RYR1: variants seen among roughly 807,000 people sequenced by gnomAD.
RYR1 encodes the protein ryanodine receptor 1.
RYR1 carries 342 observed loss-of-function variants against 583.5 expected under a neutral mutation model. The ratio of observed to expected loss-of-function variants is 0.59; its 90% CI spans 0.54 to 0.64. The LOEUF is 0.64. Among genes scored for constraint, RYR1 ranks in the 30% least tolerant of loss-of-function variants. RYR1 has a pLI of 0.00. For synonymous variants in RYR1, 2,791 were observed against 2,822.5 expected (o/e 0.99, Z 0.35); for missense variants, 6,032 against 6,917.2 (o/e 0.87, Z 4.54).
intron 102 of RYR1, 48 bp downstream of exon 102, chr19:38,585,147 A>G (rs1269366091): frequency 2.5e-6 from 4 of 1,596,396 alleles, no homozygotes; most frequent in African/African-American, 2.7e-5. Flanking sequence ...GGCTAGCTCC[A>G]TGGCTAAGAA....
chr19:38,477,629 A>C, intron 29 of RYR1, 81 bp from the exon 30 acceptor site: 1 of 1,592,246 alleles, frequency 6.3e-7, no homozygotes, highest in Non-Finnish European at 8.6e-7. Context: ...CCAACAGTCC[A>C]GGGAAACCAA....
At chr19:38,514,108 A>C (rs1351272398) in intron 63 of RYR1, among the ~76,000 whole-genome samples, 1 of 151,730 alleles carries the variant, frequency 6.6e-6, no homozygotes, top group African/African-American at 2.4e-5. Flanking sequence ...TGAGCTTCTT[A>C]ACTTGGCCTT....
Position 38,499,165 on chromosome 19 carries a change from G to GGGT in RYR1, c.6950_6952dup (p.Gly2317_Tyr2318insTrp). On this transcript the variant is annotated inframe_insertion, in exon 43 of 106. Transcript: ENST00000359596. The surrounding 1 kb of genome is among the most constrained non-coding windows in gnomAD (Gnocchi z 7.3). ...GAGCTGCCCCATGCTTGTGGCCAAA[G>GGGT]GGTACCCAGACATTGGCTGGAACCC... 2 of 1,614,194 alleles carry GGGT rather than the reference G, an allele frequency of 1.2e-6. No individual in the cohort carries two copies. Among genetic ancestry groups the GGGT allele is most frequent in the South Asian group, 1.1e-5 (1 of 91,090 alleles).
chr19:38,574,247 G>A (rs1180891638), intron 96 of RYR1, among the ~76,000 whole-genome samples: 5 of 132,950 alleles, frequency 3.8e-5, no homozygotes, highest in South Asian at 4.9e-4. Flanking sequence ...GCAACAGAGC[G>A]AGACTCCATC....
intron 20 of RYR1, among the ~76,000 whole-genome samples, chr19:38,462,856 G>A (rs1967831679): frequency 6.8e-6 from 1 of 146,484 alleles, no homozygotes; most frequent in Non-Finnish European, 1.5e-5. Context: ...GGGGGAGACA[G>A]ACCCGTCCCA....
intron 93 of RYR1, among the ~76,000 whole-genome samples, chr19:38,569,475 A>C (rs2145861504): frequency 6.6e-6 from 1 of 152,014 alleles, no homozygotes; most frequent in South Asian, 2.1e-4. Flanking sequence ...GGATCACTTA[A>C]GCACAGGAGG....
Position 38,451,842 on chromosome 19 carries a change from C to G in RYR1, c.1201C>G (p.Arg401Gly), listed in dbSNP as rs193922764. The change falls in exon 12 of 106, where the codon CGC becomes GGC. Residue 401 changes from arginine (R) to glycine (G), a missense_variant. Physicochemically the swap from Arg to Gly is moderately radical, Grantham distance 125 (BLOSUM62 -2). This residue lies in a region of RYR1 where 2,627 missense variants were observed against 2,961.3 expected (regional missense o/e 0.89). Transcript: ENST00000359596. ...CCAGCAGGAGGAGTCCCAGGCCGCC[C>G]GCATGATCCACAGCACCAATGGCCT... The part of the protein sequence containing the change: ...RCQQEESQAA[R>G]MIHSTNGLYN... 6 of 1,614,114 alleles carry G rather than the reference C, an allele frequency of 3.7e-6. No homozygotes were observed. Among genetic ancestry groups the G allele is most frequent in the Non-Finnish European group, 5.1e-6 (6 of 1,180,014 alleles).
intron 24 of RYR1, among the ~76,000 whole-genome samples, chr19:38,467,108 C>T (rs1968152870): frequency 6.6e-6 from 1 of 152,104 alleles, no homozygotes; most frequent in Non-Finnish European, 1.5e-5. Flanking sequence ...GCCTGGTCAC[C>T]CCTACCCCTA....
intron 94 of RYR1, 50 bp downstream of exon 94, chr19:38,570,743 GA>G: frequency 7.0e-7 from 1 of 1,423,672 alleles, no homozygotes; most frequent in Non-Finnish European, 9.9e-7. Flanking sequence ...CATGCTGTGG[GA>G]TGGGAGGCTC....
In RYR1 at chr19:38,580,610, A is replaced by G. The variant is rs1974160776; in HGVS notation, c.14646+106A>G. The G allele has an allele frequency of 2.8e-6, 4 of 1,432,268 alleles. No individual in the cohort carries two copies. In the African/African-American group the frequency reaches 5.6e-5, roughly 20 times the overall value. 88.7% of individuals were successfully genotyped at this position (1,432,268 alleles called of 1,614,324 possible). On this transcript the variant is annotated intron_variant, in intron 101 of 105. Transcript: ENST00000359596. The stretch of plus-strand genomic sequence containing the variant: ...CGTGGTGCCTCCAGCCTGCAATCCC[A>G]GTGCGTCGGGAGGCCGAGGCGGGAC...
intron 31 of RYR1, among the ~76,000 whole-genome samples, chr19:38,481,214 C>A (rs118185414): frequency 0.12 from 18,401 of 152,018 alleles, 1,260 homozygotes; most frequent in South Asian, 0.2. Flanking sequence ...GCAGCCTCAA[C>A]CTCCTGGGAT....
chr19:38,513,839 T>C (rs112802902), intron 63 of RYR1, among the ~76,000 whole-genome samples: 8,152 of 152,234 alleles, frequency 0.054, 314 homozygotes, highest in East Asian at 0.14. Context: ...GGGTGTAAGT[T>C]GCACACACCA....
chr19:38,527,796 C>T lies in RYR1; in HGVS notation c.10824+12C>T, dbSNP rs1971536516. On this transcript the variant is annotated intron_variant, in intron 73 of 105. Coordinates refer to ENST00000359596, the MANE Select transcript of RYR1 (RefSeq NM_000540.3). ...ACTACCTGGACCAGGTGGGTGGGGCCGGAGGGGTCTTTCTACTGGGTCTCT... is the reference window on the plus strand; with the variant it reads ...ACTACCTGGACCAGGTGGGTGGGGCTGGAGGGGTCTTTCTACTGGGTCTCT... The T allele has an allele frequency of 1.2e-6, 2 of 1,612,224 alleles. No individual in the cohort carries two copies. Among genetic ancestry groups the T allele is most frequent in the African/African-American group, 1.3e-5 (1 of 74,488 alleles).
intron 29 of RYR1, among the ~76,000 whole-genome samples, chr19:38,475,997 C>T (rs565096140): frequency 2.0e-5 from 3 of 151,876 alleles, no homozygotes; most frequent in East Asian, 1.9e-4. Context: ...TGTTCCATCT[C>T]GGATCATCAG....
chr19:38,551,025 C>CTTTTTTTTTTTTTTTTTTTTTTTT (rs71165560), intron 89 of RYR1, among the ~76,000 whole-genome samples: 1 of 41,358 alleles, frequency 2.4e-5, no homozygotes, highest in African/African-American at 8.5e-5. Flanking sequence ...GGATTCACGG[C>CTTTTTTTTTTTTTTTTTTTTTTTT]TTTTTTTTTT....
Position 38,496,644 on chromosome 19 carries a change from C to A in RYR1, c.6796+103C>A. 7.0e-7 allele frequency: 1 copy of A among 1,429,624 alleles called. No individual in the cohort carries two copies. Among genetic ancestry groups the A allele is most frequent in the Non-Finnish European group, 9.8e-7 (1 of 1,019,094 alleles). 88.6% of individuals were successfully genotyped at this position (1,429,624 alleles called of 1,614,324 possible). Reference sequence around the variant, plus strand: ...CAGCTCACTCATTCAACAAACACTCCCTCTCAACTGTGGTTCTGGCCCTGT... The same window carrying A: ...CAGCTCACTCATTCAACAAACACTCACTCTCAACTGTGGTTCTGGCCCTGT... On this transcript the variant is annotated intron_variant, in intron 41 of 105. Transcript: ENST00000359596. The surrounding 1 kb of genome is among the most constrained non-coding windows in gnomAD (Gnocchi z 4.8).
chr19:38,516,446 A>G (rs1970975474), intron 65 of RYR1, among the ~76,000 whole-genome samples: 1 of 152,176 alleles, frequency 6.6e-6, no homozygotes, highest in African/African-American at 2.4e-5. Context: ...TTGAAAACAG[A>G]ATCTATTGAT....
intron 7 of RYR1, among the ~76,000 whole-genome samples, chr19:38,445,890 TGAGGCAGTATTGCTTGAATCTGGGAGGCA>T (rs1339408092): frequency 1.1e-5 from 1 of 94,396 alleles, no homozygotes; most frequent in Non-Finnish European, 2.5e-5. Flanking sequence ...CTTGGGAGGC[TGAGGCAGTATTGCTTGAATCTGGGAGGCA>T]GAGGTTGCAG....
chr19:38,478,325 T>C, intron 30 of RYR1, 110 bp from the exon 31 acceptor site: 1 of 1,227,100 alleles, frequency 8.1e-7, no homozygotes, highest in South Asian at 1.2e-5. Context: ...CGGTGGGTGT[T>C]TGGGGATGGG....
Sources: allele counts gnomAD v4.1 joint callset (sites outside exome capture counted in the v4.1 genomes callset), GRCh38; gene constraint gnomAD v4.1.1; regional missense constraint gnomAD v4.1.1; non-coding constraint Gnocchi (gnomAD v3.1); transcripts MANE v1.5; gene names NCBI Gene and HGNC (gene_info 2026-07-23, HGNC 2026-07-21).